Variants in ADGRB3 observed in about 807,000 individuals in gnomAD.
ADGRB3 encodes brain-specific angiogenesis inhibitor 3.
A neutral mutation model predicts 193.4 loss-of-function variants in ADGRB3; 37 were observed. The observed-to-expected ratio is 0.19, with a 90% CI of 0.15 to 0.25. The LOEUF is 0.25. Ranked by LOEUF, ADGRB3 falls within the 10% of genes least tolerant of loss-of-function variation. ADGRB3 has a pLI of 1.00. For missense variants in ADGRB3, 1,637 were observed against 1,852.9 expected (o/e 0.88, Z 2.14); for synonymous variants, 690 against 644.2 (o/e 1.07, Z -1.08).
chr6:69,143,901 T>A (rs938424862), intron 17 of ADGRB3, among the ~76,000 whole-genome samples: 1 of 152,224 alleles, frequency 6.6e-6, no homozygotes, highest in African/African-American at 2.4e-5. Context: ...CAGGATTGTT[T>A]TTCTATTTCT....
At chr6:69,331,095 A>G (rs921529646) in intron 23 of ADGRB3, among the ~76,000 whole-genome samples, 5 of 152,058 alleles carry the variant, frequency 3.3e-5, no homozygotes, top group Admixed American at 3.3e-4. Flanking sequence ...TTCTCTACCT[A>G]CTACATACCA....
chr6:69,014,834 A>G (rs1298997343), intron 12 of ADGRB3, among the ~76,000 whole-genome samples: 3 of 151,984 alleles, frequency 2.0e-5, no homozygotes, highest in Non-Finnish European at 2.9e-5. Context: ...GTTAAAAATA[A>G]GACAATCTTG....
At chr6:69,246,457 G>T (rs1291212256) in intron 20 of ADGRB3, among the ~76,000 whole-genome samples, 1 of 152,116 alleles carries the variant, frequency 6.6e-6, no homozygotes, top group Non-Finnish European at 1.5e-5. Flanking sequence ...AAACCAAGGA[G>T]CATAATGGTT....
chr6:69,064,619 A>G (rs1480023535), intron 16 of ADGRB3, among the ~76,000 whole-genome samples: 3 of 142,208 alleles, frequency 2.1e-5, no homozygotes, highest in Non-Finnish European at 4.6e-5. Flanking sequence ...TTCTACAGTT[A>G]CAAGTATTGG....
intron 3 of ADGRB3, among the ~76,000 whole-genome samples, chr6:68,804,469 C>A (rs535161842): frequency 3.3e-5 from 5 of 151,978 alleles, no homozygotes; most frequent in Admixed American, 6.6e-5. Flanking sequence ...TTTAAAAATT[C>A]TCTATTTCTT....
In ADGRB3 at chr6:69,031,519, C is replaced by CTCTTTCTTTCTTTCTTTCTTTCTTTCTT. The variant is rs201301230; in HGVS notation, c.2107+13026_2107+13053dup. ...CACAAACATTTTGAATTTGAGTTGT[C>CTCTTTCTTTCTTTCTTTCTTTCTTTCTT]TCTTTCTTTCTTTCTTTCTTTCTTT... On this transcript the variant is annotated intron_variant, in intron 13 of 31. Transcript: ENST00000370598. 4.3e-3 allele frequency among the ~76,000 whole-genome samples: 92 copies of CTCTTTCTTTCTTTCTTTCTTTCTTTCTT among 21,264 alleles called. 9 individuals are homozygous for CTCTTTCTTTCTTTCTTTCTTTCTTTCTT. Among genetic ancestry groups the CTCTTTCTTTCTTTCTTTCTTTCTTTCTT allele is most frequent in the South Asian group, 0.024 (9 of 370 alleles). The allele number at this position is 21,264 out of a possible 152,430, so 14.0% of individuals were successfully genotyped here. A position where few individuals can be genotyped will look rare whatever the true frequency, so the allele number is the denominator to read the frequency against.
At chr6:69,148,210 T>C (rs1317512072) in intron 17 of ADGRB3, among the ~76,000 whole-genome samples, 1 of 152,142 alleles carries the variant, frequency 6.6e-6, no homozygotes, top group Non-Finnish European at 1.5e-5. Flanking sequence ...TCTTCCTTCT[T>C]TCCTTCCTTC....
chr6:69,224,811 A>C (rs890834141), intron 17 of ADGRB3, among the ~76,000 whole-genome samples: 7 of 152,250 alleles, frequency 4.6e-5, no homozygotes, highest in Middle Eastern at 6.8e-3. Context: ...AATGTTTTGA[A>C]ATTTTCTGAG....
At chr6:68,883,123 G>A (rs1765780082) in intron 3 of ADGRB3, among the ~76,000 whole-genome samples, 1 of 152,046 alleles carries the variant, frequency 6.6e-6, no homozygotes, top group South Asian at 2.1e-4. Flanking sequence ...CTAGCTAAAG[G>A]ATTGTAAATA....
chr6:68,959,706 T>C (rs1044312206), intron 8 of ADGRB3, among the ~76,000 whole-genome samples: 1 of 152,122 alleles, frequency 6.6e-6, no homozygotes, highest in African/African-American at 2.4e-5. Context: ...AAAAGTGTCA[T>C]CATTGATGAC....
At chr6:68,806,505 C>T (rs952084921) in intron 3 of ADGRB3, among the ~76,000 whole-genome samples, 7 of 151,792 alleles carry the variant, frequency 4.6e-5, no homozygotes, top group Non-Finnish European at 8.8e-5. Context: ...AATCAGCAAG[C>T]AATTGAATTA....
At chr6:68,656,613 T>C (rs572769588) in intron 3 of ADGRB3, among the ~76,000 whole-genome samples, 1 of 151,746 alleles carries the variant, frequency 6.6e-6, no homozygotes, top group African/African-American at 2.4e-5. Flanking sequence ...CCTTTGATGA[T>C]AAATATCACA....
intron 17 of ADGRB3, among the ~76,000 whole-genome samples, chr6:69,142,397 G>T (rs572403481): frequency 6.6e-6 from 1 of 152,188 alleles, no homozygotes; most frequent in Non-Finnish European, 1.5e-5. Flanking sequence ...GTGTATGTGC[G>T]TAGGAAGGGC....
At chr6:68,643,107 G>A (rs1561980686) in intron 3 of ADGRB3, among the ~76,000 whole-genome samples, 1 of 152,102 alleles carries the variant, frequency 6.6e-6, no homozygotes, top group Non-Finnish European at 1.5e-5. Context: ...GTTTCTTACT[G>A]ACATCAATGG....
intron 20 of ADGRB3, among the ~76,000 whole-genome samples, chr6:69,295,705 C>T (rs893597761): frequency 6.6e-6 from 1 of 152,190 alleles, no homozygotes; most frequent in Non-Finnish European, 1.5e-5. Context: ...TCCCACAACT[C>T]TTGCACCTGT....
At chr6:68,981,884 A>G (rs1007350540) in intron 10 of ADGRB3, among the ~76,000 whole-genome samples, 3 of 141,184 alleles carry the variant, frequency 2.1e-5, no homozygotes, top group African/African-American at 7.8e-5. Context: ...TTATTTATTT[A>G]TTTATTTATT....
intron 3 of ADGRB3, among the ~76,000 whole-genome samples, chr6:68,924,967 C>T (rs779415941): frequency 5.9e-5 from 9 of 151,428 alleles, no homozygotes; most frequent in Non-Finnish European, 1.2e-4. Context: ...AAGTTTTCTT[C>T]CCTCATCTAT....
intron 8 of ADGRB3, among the ~76,000 whole-genome samples, chr6:68,958,646 T>C (rs1384586128): frequency 1.3e-5 from 2 of 152,052 alleles, no homozygotes; most frequent in African/African-American, 4.8e-5. Flanking sequence ...CTTTCATGAC[T>C]TAAGGCAGGT....
intron 17 of ADGRB3, among the ~76,000 whole-genome samples, chr6:69,124,996 A>G (rs948607194): frequency 2.8e-4 from 42 of 151,936 alleles, no homozygotes; most frequent in African/African-American, 9.7e-4. Flanking sequence ...AATCTTATGT[A>G]TGGTGGAAGT....
Sources: allele counts gnomAD v4.1 joint callset (sites outside exome capture counted in the v4.1 genomes callset), GRCh38; gene constraint gnomAD v4.1.1; transcripts MANE v1.5; gene names NCBI Gene and HGNC (gene_info 2026-07-23, HGNC 2026-07-21).